The following THSD7B variants were observed in gnomAD, a reference collection of about 807,000 sequenced individuals.
The protein encoded by THSD7B is thrombospondin type-1 domain-containing protein 7B.
Under a neutral mutation model 213.6 loss-of-function variants are expected in THSD7B, and 138 were observed. The ratio of observed to expected loss-of-function variants is 0.65; its 90% CI spans 0.56 to 0.74. THSD7B has a LOEUF of 0.74. THSD7B is among the 30% of genes least tolerant of loss of function. The pLI is 0.00. For synonymous variants in THSD7B, 742 were observed against 687.0 expected, an observed-to-expected ratio of 1.08 and a Z score of -1.25; for missense variants, 1,931 against 1,991.5, an observed-to-expected ratio of 0.97 and a Z score of 0.58.
intron 20 of THSD7B, among the ~76,000 whole-genome samples, chr2:137,625,410 C>CCT: frequency 6.6e-6 from 1 of 151,192 alleles, no homozygotes; most frequent in Non-Finnish European, 1.5e-5. Context: ...ACCAACATGA[C>CCT]ACATGTATAC....
intron 4 of THSD7B, among the ~76,000 whole-genome samples, chr2:137,108,782 C>T (rs1283362009): frequency 2.0e-5 from 3 of 152,130 alleles, no homozygotes; most frequent in Non-Finnish European, 4.4e-5. Flanking sequence ...AAATTATAAA[C>T]TAAACATAGA....
intron 9 of THSD7B, among the ~76,000 whole-genome samples, chr2:137,238,126 A>G (rs1297215501): frequency 2.6e-5 from 4 of 152,210 alleles, no homozygotes; most frequent in African/African-American, 9.6e-5. Flanking sequence ...TGACAATATC[A>G]GTTCCCTAAA....
chr2:137,533,390 A>G (rs1362872157), intron 15 of THSD7B, among the ~76,000 whole-genome samples: 2 of 151,816 alleles, frequency 1.3e-5, no homozygotes, highest in African/African-American at 4.8e-5. Flanking sequence ...ATATTATTTT[A>G]TTAGGTTTCA....
At chr2:136,986,992 G>A (rs1685684777) in intron 2 of THSD7B, among the ~76,000 whole-genome samples, 1 of 152,202 alleles carries the variant, frequency 6.6e-6, no homozygotes, top group African/African-American at 2.4e-5. Context: ...TGTTGATAGA[G>A]AGTTATTTAG....
chr2:137,492,478 G>A (rs1210613227), intron 15 of THSD7B, among the ~76,000 whole-genome samples: 3 of 152,094 alleles, frequency 2.0e-5, no homozygotes, highest in African/African-American at 4.8e-5. Flanking sequence ...GGTATAAGTA[G>A]GTAATAACTG....
At chr2:137,616,792 G>A (rs1335035577) in intron 18 of THSD7B, among the ~76,000 whole-genome samples, 2 of 152,196 alleles carry the variant, frequency 1.3e-5, no homozygotes, top group African/African-American at 4.8e-5. Flanking sequence ...CACACTGGGA[G>A]TTAAATCACT....
At chr2:137,557,895 C>T (rs1681015004) in intron 15 of THSD7B, among the ~76,000 whole-genome samples, 1 of 152,122 alleles carries the variant, frequency 6.6e-6, no homozygotes, top group South Asian at 2.1e-4. Context: ...CCACTGATCC[C>T]ACAGAAATAC....
intron 7 of THSD7B, among the ~76,000 whole-genome samples, chr2:137,213,499 AT>A (rs1310300254): frequency 6.7e-5 from 10 of 148,634 alleles, no homozygotes; most frequent in African/African-American, 2.4e-4. Flanking sequence ...ATGTATTATA[AT>A]ATGCTATATA....
At chr2:137,359,204 A>G (rs943642544) in intron 12 of THSD7B, among the ~76,000 whole-genome samples, 1 of 152,176 alleles carries the variant, frequency 6.6e-6, no homozygotes, top group African/African-American at 2.4e-5. Context: ...TGTCAAGTAA[A>G]ATTGTATCCA....
chr2:137,169,779 A>G (rs752670909), intron 6 of THSD7B, among the ~76,000 whole-genome samples: 6 of 152,162 alleles, frequency 3.9e-5, no homozygotes, highest in Non-Finnish European at 7.3e-5. Context: ...GAAAATTTAC[A>G]CTAAAGGGTT....
At chr2:137,639,078 T>C (rs72985412) in intron 20 of THSD7B, among the ~76,000 whole-genome samples, 3,540 of 151,778 alleles carry the variant, frequency 0.023, 125 homozygotes, top group African/African-American at 0.08. Flanking sequence ...AGGACTCTAA[T>C]GCTAATCCCC....
At chr2:136,782,900 T>TA (rs1188830964) in intron 1 of THSD7B, among the ~76,000 whole-genome samples, 2 of 151,756 alleles carry the variant, frequency 1.3e-5, no homozygotes, top group East Asian at 1.9e-4. Flanking sequence ...ATCTGTTAAT[T>TA]AAAAAAAAGA....
At chr2:136,780,422 T>C (rs999003245) in intron 1 of THSD7B, among the ~76,000 whole-genome samples, 2 of 152,210 alleles carry the variant, frequency 1.3e-5, no homozygotes, top group African/African-American at 4.8e-5. Context: ...GTTCAACATA[T>C]GAATGTTGGT....
At chr2:137,163,290 C>A (rs952684031) in intron 6 of THSD7B, among the ~76,000 whole-genome samples, 1 of 152,012 alleles carries the variant, frequency 6.6e-6, no homozygotes, top group Non-Finnish European at 1.5e-5. Flanking sequence ...AATCCCAACC[C>A]CTGGTACATA....
intron 3 of THSD7B, among the ~76,000 whole-genome samples, chr2:137,080,667 T>C (rs1687730218): frequency 6.6e-6 from 1 of 152,152 alleles, no homozygotes; most frequent in Non-Finnish European, 1.5e-5. Flanking sequence ...CTGGTACCTA[T>C]AATTTTATTC....
chr2:136,829,750 G>A (rs1682717975), intron 1 of THSD7B, among the ~76,000 whole-genome samples: 1 of 152,160 alleles, frequency 6.6e-6, no homozygotes, highest in South Asian at 2.1e-4. Flanking sequence ...TGTGGGTGAA[G>A]CCAGGAAGAG....
intron 2 of THSD7B, among the ~76,000 whole-genome samples, chr2:137,024,512 C>T (rs953612096): frequency 1.6e-4 from 24 of 152,070 alleles, no homozygotes; most frequent in Admixed American, 1.4e-3. Flanking sequence ...GGATTTTTTT[C>T]TATTGATTTC....
intron 17 of THSD7B, among the ~76,000 whole-genome samples, chr2:137,586,033 A>AC (rs1432466748): frequency 7.1e-6 from 1 of 140,670 alleles, no homozygotes; most frequent in East Asian, 2.1e-4. Flanking sequence ...TATTGGGTGC[A>AC]TTATATTTAG....
intron 1 of THSD7B, among the ~76,000 whole-genome samples, chr2:136,820,672 A>G (rs996560370): frequency 3.3e-5 from 5 of 152,248 alleles, no homozygotes; most frequent in Non-Finnish European, 5.9e-5. Context: ...TAACTGGAAG[A>G]CTTAGAATAT....
Sources: allele counts gnomAD v4.1 joint callset (sites outside exome capture counted in the v4.1 genomes callset), GRCh38; gene constraint gnomAD v4.1.1; transcripts MANE v1.5; gene names NCBI Gene and HGNC (gene_info 2026-07-23, HGNC 2026-07-21).